The following FSIP2 variants were observed in gnomAD, a reference collection of about 807,000 sequenced individuals.
The protein encoded by FSIP2 is fibrous sheath-interacting protein 2.
Under a neutral mutation model 510.5 loss-of-function variants are expected in FSIP2, and 367 were observed. The observed-to-expected ratio is 0.72, with a 90% CI of 0.66 to 0.78. The LOEUF is 0.78. FSIP2 is among the 30% of genes least tolerant of loss of function. The pLI is 0.00. For synonymous variants in FSIP2, 2,601 were observed against 2,732.2 expected, an observed-to-expected ratio of 0.95 and a Z score of 1.50; for missense variants, 7,594 against 7,901.7, an observed-to-expected ratio of 0.96 and a Z score of 1.48.
intron 13 of FSIP2, among the ~76,000 whole-genome samples, chr2:185,771,820 C>G (rs796393180): frequency 6.6e-6 from 1 of 152,180 alleles, no homozygotes; most frequent in African/African-American, 2.4e-5. Flanking sequence ...ACAAAGACAG[C>G]TTGTGAACCT....
intron 20 of FSIP2, among the ~76,000 whole-genome samples, chr2:185,825,355 G>A (rs1412314651): frequency 1.3e-5 from 2 of 151,680 alleles, no homozygotes; most frequent in Non-Finnish European, 2.9e-5. Context: ...TGAGGGTAAG[G>A]CAGTGACCCA....
In FSIP2 at chr2:185,796,517, C is replaced by T; in HGVS notation, c.9381C>T (p.Asp3127=). The T allele has an allele frequency of 5.2e-6, 8 of 1,534,364 alleles. No homozygotes were observed. The highest frequency in any genetic ancestry group is 7.0e-6 in the Non-Finnish European group (8 of 1,145,632). The change falls in exon 16 of 23, where the codon GAC becomes GAT. Residue 3127 remains aspartate (D), a synonymous_variant. Coordinates refer to ENST00000424728, the MANE Select transcript of FSIP2 (RefSeq NM_173651.4). ...VASEIIGTLM[D]QCTYFNESLI... ...GTGAGATCATTGGCACACTAATGGA[C>T]CAGTGTACTTATTTCAATGAGTCTT... is the stretch of plus-strand genomic sequence containing the variant.
At chr2:185,816,350 T>C (rs1693826222) in intron 19 of FSIP2, among the ~76,000 whole-genome samples, 3 of 152,072 alleles carry the variant, frequency 2.0e-5, no homozygotes, top group African/African-American at 4.8e-5. Flanking sequence ...GGAACCTCTT[T>C]ATTGGTTATA....
At position 185,787,982 on chromosome 2, in the gene FSIP2, T is replaced by C. The variant is rs536980494; in HGVS notation, c.1507-661T>C. ...ATTTTATTTGTATTATTTGTATTTATTTGTATTATCGCTTTTATTGGATAC... is the reference window on the plus strand; with the variant it reads ...ATTTTATTTGTATTATTTGTATTTACTTGTATTATCGCTTTTATTGGATAC... On this transcript the variant is annotated intron_variant, in intron 15 of 22. Transcript: ENST00000424728. 40 of 151,804 alleles carry C rather than the reference T, an allele frequency of 2.6e-4. No homozygotes were observed. In the East Asian group the frequency reaches 5.8e-3, roughly 22 times the overall value. 9.4% of individuals were successfully genotyped at this position (151,804 alleles called of 1,614,324 possible).
chr2:185,763,101 G>C, intron 11 of FSIP2, 82 bp from the exon 12 acceptor site: 1 of 680,718 alleles, frequency 1.5e-6, no homozygotes, highest in Admixed American at 2.2e-5. Context: ...GGAGAATGTT[G>C]GAGTAATGCT....
At chr2:185,784,638 A>AAAC in intron 14 of FSIP2, among the ~76,000 whole-genome samples, 1 of 152,204 alleles carries the variant, frequency 6.6e-6, no homozygotes, top group Non-Finnish European at 1.5e-5. Context: ...TACCAAGATA[A>AAAC]AACTATGTTG....
At position 185,768,879 on chromosome 2, in the gene FSIP2, G is replaced by A. The variant is rs1692550757; in HGVS notation, c.1411+4314G>A. ...CTCCCACTTATAAGTGAGAACATGC[G>A]GATTTGGTTTTCTGTTCCTGTGTTA... On this transcript the variant is annotated intron_variant, in intron 13 of 22. Transcript: ENST00000424728. Among the ~76,000 whole-genome samples, 5 of 152,094 alleles carry A rather than the reference G, an allele frequency of 3.3e-5. No individual in the cohort carries two copies. In the South Asian group the frequency reaches 8.3e-4, roughly 25 times the overall value.
chr2:185,764,684 A>C, intron 13 of FSIP2, 119 bp downstream of exon 13: 1 of 708,686 alleles, frequency 1.4e-6, no homozygotes, highest in Non-Finnish European at 2.3e-6. Flanking sequence ...TTCAAGGAAA[A>C]ATGGCACAAT....
chr2:185,743,858 A>G (rs997192954), intron 3 of FSIP2, among the ~76,000 whole-genome samples: 2 of 152,180 alleles, frequency 1.3e-5, no homozygotes, highest in African/African-American at 2.4e-5. Flanking sequence ...TTTTAGAGAC[A>G]GGTTCTCACT....
intron 20 of FSIP2, among the ~76,000 whole-genome samples, chr2:185,824,799 T>C (rs920278051): frequency 1.3e-5 from 2 of 151,826 alleles, no homozygotes; most frequent in Non-Finnish European, 2.9e-5. Context: ...CCAGAACCCA[T>C]GCTACTAGGA....
intron 21 of FSIP2, among the ~76,000 whole-genome samples, chr2:185,830,921 G>A (rs902167917): frequency 1.3e-5 from 2 of 151,792 alleles, no homozygotes; most frequent in African/African-American, 4.8e-5. Flanking sequence ...AAGTTTCATG[G>A]ATAACTCTAT....
Position 185,805,603 on chromosome 2 carries a change from T to C in FSIP2, c.16297T>C (p.Cys5433Arg). 2 of 1,608,704 alleles carry C rather than the reference T, an allele frequency of 1.2e-6. No individual in the cohort carries two copies. Among genetic ancestry groups the C allele is most frequent in the Non-Finnish European group, 1.7e-6 (2 of 1,177,772 alleles). ...PQNTFTQISR[C>R]AKENQLSLPD... ...AAACACCTTTACACAAATAAGCAGA[T>C]GTGCAAAAGAGAACCAACTTTCTTT... is the stretch of plus-strand genomic sequence containing the variant. Residue 5433 changes from cysteine to arginine, a missense_variant, in exon 17 of 23, where the codon TGT (cysteine) becomes CGT (arginine). Coordinates refer to ENST00000424728, the MANE Select transcript of FSIP2 (RefSeq NM_173651.4).
In FSIP2 at chr2:185,789,826, C is replaced by T. The variant is rs1325714886; in HGVS notation, c.2690C>T (p.Ser897Phe). The T allele has an allele frequency of 1.3e-6, 2 of 1,532,662 alleles. No individual in the cohort carries two copies. The highest frequency in any genetic ancestry group is 2.0e-5 in the Admixed American group (1 of 50,798). 94.9% of individuals were successfully genotyped at this position (1,532,662 alleles called of 1,614,324 possible). A position where few individuals can be genotyped will look rare whatever the true frequency, so the allele number is the denominator to read the frequency against. ...EVQNLISNIF[S>F]QSSLVAYIEE... ...CAAAATTTAATATCAAATATTTTTTCCCAGTCTTCTTTGGTTGCTTATATA... is the reference window on the plus strand; with the variant it reads ...CAAAATTTAATATCAAATATTTTTTTCCAGTCTTCTTTGGTTGCTTATATA... The change falls in exon 16 of 23, where the codon TCC becomes TTC. Residue 897 changes from serine to phenylalanine, a missense_variant. Ser to Phe is a radical substitution (Grantham distance 155). Transcript: ENST00000424728.
intron 7 of FSIP2, among the ~76,000 whole-genome samples, chr2:185,749,335 T>C (rs13429390): frequency 0.11 from 16,880 of 152,010 alleles, 983 homozygotes; most frequent in Middle Eastern, 0.14. Context: ...AACAGTGCTA[T>C]GTAGTTTGCA....
At chr2:185,768,863 A>G (rs1692550399) in intron 13 of FSIP2, among the ~76,000 whole-genome samples, 2 of 152,194 alleles carry the variant, frequency 1.3e-5, no homozygotes, top group South Asian at 2.1e-4. Flanking sequence ...GCTCCCACTT[A>G]TAAGTGAGAA....
chr2:185,776,746 T>C (rs147339363), intron 13 of FSIP2, among the ~76,000 whole-genome samples: 2,206 of 152,238 alleles, frequency 0.014, 39 homozygotes, highest in African/African-American at 0.05. Flanking sequence ...TTATTATTAT[T>C]ATTTTGAGAC....
chr2:185,814,757 G>T (rs547700113), intron 18 of FSIP2, among the ~76,000 whole-genome samples: 1 of 151,990 alleles, frequency 6.6e-6, no homozygotes, highest in East Asian at 2.0e-4. Context: ...ATTAATTTTA[G>T]AATTAATTTT....
chr2:185,760,746 G>A (rs1489172515), intron 9 of FSIP2, among the ~76,000 whole-genome samples: 1 of 150,514 alleles, frequency 6.6e-6, no homozygotes, highest in Admixed American at 6.6e-5. Context: ...TGAGTTAGTG[G>A]TATAGATCAG....
intron 7 of FSIP2, among the ~76,000 whole-genome samples, chr2:185,751,592 A>G (rs1254732633): frequency 2.7e-5 from 4 of 150,748 alleles, no homozygotes; most frequent in African/African-American, 9.7e-5. Context: ...TAGTGCGATT[A>G]TTAACATGAT....
Sources: allele counts gnomAD v4.1 joint callset (sites outside exome capture counted in the v4.1 genomes callset), GRCh38; gene constraint gnomAD v4.1.1; transcripts MANE v1.5; gene names NCBI Gene and HGNC (gene_info 2026-07-23, HGNC 2026-07-21).